Variants in PECR observed in about 807,000 individuals in gnomAD.
PECR encodes the protein 2,4-dienoyl-CoA reductase-related protein.
In PECR, 30 loss-of-function variants were observed where a neutral mutation model predicts 35.3. That is an observed-to-expected ratio of 0.85 (90% CI 0.64 to 1.15). The LOEUF is 1.15. PECR is among the 50% of genes most tolerant of loss of function. PECR has a pLI of 0.00. For synonymous variants in PECR, 148 were observed against 138.9 expected, an observed-to-expected ratio of 1.07 and a Z score of -0.46; for missense variants, 392 against 370.8, an observed-to-expected ratio of 1.06 and a Z score of -0.47.
At chr2:216,058,847 A>G in intron 4 of PECR, 48 bp downstream of exon 4, 1 of 1,027,334 alleles carries the variant, frequency 9.7e-7, no homozygotes, top group Non-Finnish European at 1.5e-6. Context: ...CCCCAATCAG[A>G]AGACAAAACT....
At chr2:216,058,464 AG>A (rs1452358855) in intron 4 of PECR, among the ~76,000 whole-genome samples, 6 of 152,176 alleles carry the variant, frequency 3.9e-5, no homozygotes, top group African/African-American at 1.4e-4. Context: ...ATCTGTTAGG[AG>A]GAACAACTTA....
chr2:216,067,605 G>A (rs12993256), intron 1 of PECR, among the ~76,000 whole-genome samples: 85,210 of 150,354 alleles, frequency 0.57, 24,988 homozygotes, highest in Non-Finnish European at 0.63. Context: ...TCGCCAGACT[G>A]GGGTGCAGTG....
At chr2:216,029,458 A>G (rs1260819224) in intron 7 of PECR, among the ~76,000 whole-genome samples, 1 of 103,906 alleles carries the variant, frequency 9.6e-6, no homozygotes, top group African/African-American at 3.4e-5. Context: ...GCCTGGCGAG[A>G]GAGTGAGACT....
intron 6 of PECR, 76 bp downstream of exon 6, chr2:216,049,187 A>AT (rs1411210338): frequency 2.7e-5 from 22 of 806,710 alleles, no homozygotes; most frequent in Non-Finnish European, 4.7e-5. Context: ...TCCAGACCGC[A>AT]TAAAAATGAC....
Position 216,039,298 on chromosome 2 carries a change from A to T in PECR, c.889T>A (p.Phe297Ile). The T allele has an allele frequency of 1.2e-6, 2 of 1,604,754 alleles. No individual in the cohort carries two copies. Among genetic ancestry groups the T allele is most frequent in the Middle Eastern group, 1.7e-4 (1 of 6,048 alleles). The change falls in exon 8 of 8, where the codon TTT (phenylalanine) becomes ATT (isoleucine). Residue 297 changes from phenylalanine (F) to isoleucine (I), a missense_variant. Coordinates refer to ENST00000265322, the MANE Select transcript of PECR (RefSeq NM_018441.6). Reference protein sequence around the residue: ...LSVVKKMKETFKEKAKL With the variant: ...LSVVKKMKETIKEKAKL ...GCTCAGAGCTTAGCTTTCTCCTTAA[A>T]GGTCTCCTTCATCTTTTTGACAACA...
At chr2:216,044,311 A>G (rs145967246) in intron 6 of PECR, among the ~76,000 whole-genome samples, 22 of 152,318 alleles carry the variant, frequency 1.4e-4, no homozygotes, top group African/African-American at 5.3e-4. Context: ...AAGTGAACTC[A>G]GTGCTTCAGC....
intron 3 of PECR, among the ~76,000 whole-genome samples, chr2:216,063,405 G>A (rs926966252): frequency 6.6e-6 from 1 of 152,112 alleles, no homozygotes; most frequent in Non-Finnish European, 1.5e-5. Flanking sequence ...GGATCACAAG[G>A]TCAGGAGATG....
At chr2:216,069,902 C>T (rs1695552927) in intron 1 of PECR, among the ~76,000 whole-genome samples, 1 of 149,992 alleles carries the variant, frequency 6.7e-6, no homozygotes, top group Non-Finnish European at 1.5e-5. Context: ...TGCCATTGCA[C>T]CCCAGCCTGG....
At chr2:216,062,731 A>G (rs1436787309) in intron 3 of PECR, among the ~76,000 whole-genome samples, 2 of 152,258 alleles carry the variant, frequency 1.3e-5, no homozygotes, top group African/African-American at 4.8e-5. Flanking sequence ...ATACATGTCA[A>G]TACAGTCATG....
chr2:216,065,480 AAAG>A lies in PECR; in HGVS notation c.259-6_259-4del, dbSNP rs760244241. ...GTAGATTTGACCAAATTATTCACCTAAAGAAGAACAGTAGAAGTTACTAAAAGG... is the reference window on the plus strand; with the variant it reads ...GTAGATTTGACCAAATTATTCACCTAAAGAACAGTAGAAGTTACTAAAAGG... On this transcript the variant is annotated splice_region_variant and splice_polypyrimidine_tract_variant and intron_variant, in intron 2 of 7. Transcript: ENST00000265322. The A allele has an allele frequency of 2.5e-6, 4 of 1,569,712 alleles. No homozygotes were observed. Among genetic ancestry groups the A allele is most frequent in the East Asian group, 2.2e-5 (1 of 44,632 alleles).
chr2:216,030,311 G>T (rs1246763119), intron 7 of PECR, among the ~76,000 whole-genome samples: 1 of 152,128 alleles, frequency 6.6e-6, no homozygotes. Flanking sequence ...AGGGGTCGGG[G>T]CTCTGAAGCC....
intron 1 of PECR, among the ~76,000 whole-genome samples, chr2:216,076,303 AT>A (rs1310159611): frequency 6.6e-6 from 1 of 152,000 alleles, no homozygotes; most frequent in Non-Finnish European, 1.5e-5. Context: ...AGCAATTCTC[AT>A]GTGTCAGCCT....
Position 216,065,393 on chromosome 2 carries a change from G to A in PECR, c.343C>T (p.Pro115Ser). The change falls in exon 3 of 8, where the codon CCT (proline) becomes TCT (serine). Residue 115 changes from proline to serine, a missense_variant. Physicochemically the swap from Pro to Ser is moderately conservative, Grantham distance 74 (BLOSUM62 -1). Coordinates refer to ENST00000265322, the MANE Select transcript of PECR (RefSeq NM_018441.6). ...CCCTTAGAACTGATGTGTTCAGCAG[G>A]GGAAAGAAACTGGCCTCCTCCATTG... ...VNNGGGQFLS[P>S]AEHISSKGWH... The A allele has an allele frequency of 1.9e-6, 3 of 1,608,624 alleles. No individual in the cohort carries two copies. Among genetic ancestry groups the A allele is most frequent in the Non-Finnish European group, 2.6e-6 (3 of 1,174,994 alleles).
chr2:216,046,497 A>T (rs974942579), intron 6 of PECR, among the ~76,000 whole-genome samples: 3 of 151,726 alleles, frequency 2.0e-5, no homozygotes, highest in South Asian at 2.1e-4. Flanking sequence ...TTTTTAGTAT[A>T]GACGGGGTTT....
intron 7 of PECR, among the ~76,000 whole-genome samples, chr2:216,043,031 A>G (rs532815833): frequency 0.017 from 2,205 of 127,732 alleles, 193 homozygotes; most frequent in African/African-American, 0.064. Context: ...ATACGTATAT[A>G]TGTATGTGTA....
intron 3 of PECR, among the ~76,000 whole-genome samples, chr2:216,060,309 T>G (rs1695310957): frequency 6.6e-6 from 1 of 152,172 alleles, no homozygotes; most frequent in South Asian, 2.1e-4. Flanking sequence ...TGAAAATGTC[T>G]ACAAGTAATG....
intron 4 of PECR, among the ~76,000 whole-genome samples, chr2:216,053,129 C>T (rs1351069841): frequency 2.0e-5 from 3 of 152,130 alleles, no homozygotes; most frequent in Non-Finnish European, 4.4e-5. Flanking sequence ...GCTGGGATTA[C>T]AGGCATGATC....
chr2:216,062,812 A>T (rs1188796594), intron 3 of PECR, among the ~76,000 whole-genome samples: 1 of 152,176 alleles, frequency 6.6e-6, no homozygotes, highest in Non-Finnish European at 1.5e-5. Flanking sequence ...ATAATACCAC[A>T]TTTTTACTGT....
intron 1 of PECR, among the ~76,000 whole-genome samples, chr2:216,072,546 C>T (rs1254545612): frequency 6.6e-6 from 1 of 152,134 alleles, no homozygotes; most frequent in African/African-American, 2.4e-5. Flanking sequence ...TTTAGAGTCT[C>T]CAATGTCTGT....
Sources: gnomAD v4.1 joint callset for allele counts (sites outside exome capture counted in the v4.1 genomes callset) on GRCh38, gnomAD v4.1.1 for gene constraint, MANE v1.5 for transcripts, NCBI Gene and HGNC (gene_info 2026-07-23, HGNC 2026-07-21) for gene names.